LARP1: variants seen among roughly 807,000 people sequenced by gnomAD.
LARP1 encodes the protein La ribonucleoprotein 1, translational regulator.
Under a neutral mutation model 122.7 loss-of-function variants are expected in LARP1, and 36 were observed. The observed-to-expected ratio is 0.29, with a 90% CI of 0.22 to 0.39. The LOEUF (loss-of-function observed/expected upper bound fraction) is 0.39, where lower values mean the gene tolerates loss of function less well. LARP1 is among the 10% of genes least tolerant of loss of function. The probability of loss-of-function intolerance (pLI) is 1.00; values close to 1 mark genes in which losing one functional copy is unlikely to be tolerated. For missense variants in LARP1, 1,040 were observed against 1,403.6 expected (o/e 0.74, Z 4.14); for synonymous variants, 539 against 528.7 (o/e 1.02, Z -0.27).
chr5:154,805,003 A>G (rs116586220), intron 14 of LARP1: 15,996 of 438,874 alleles, frequency 0.036, 389 homozygotes, highest in East Asian at 0.069. Context: ...ACTGTTAACC[A>G]GAAGCCTTAC....
chr5:154,742,391 A>G lies in LARP1; in HGVS notation c.205+29261A>G, dbSNP rs143022228. Among the ~76,000 whole-genome samples the G allele has an allele frequency of 5.5e-3, 837 of 152,272 alleles. 7 individuals are homozygous for G. The highest frequency in any genetic ancestry group is 0.019 in the African/African-American group (790 of 41,542). On this transcript the variant is annotated intron_variant, in intron 1 of 18. Transcript: ENST00000336314. ...AGCCTGGCCAACATGGCGAAACCCCATCTCTATTAAAAATAAAATTAGTCA... is the reference window on the plus strand; with the variant it reads ...AGCCTGGCCAACATGGCGAAACCCCGTCTCTATTAAAAATAAAATTAGTCA...
intron 1 of LARP1, among the ~76,000 whole-genome samples, chr5:154,787,652 C>T (rs1050299795): frequency 1.3e-5 from 2 of 152,130 alleles, no homozygotes; most frequent in Admixed American, 1.3e-4. Context: ...TTCTGCCTTT[C>T]TGGGGGTTTT....
chr5:154,730,901 T>G (rs1215934103), intron 1 of LARP1, among the ~76,000 whole-genome samples: 1 of 149,996 alleles, frequency 6.7e-6, no homozygotes, highest in African/African-American at 2.5e-5. Flanking sequence ...AGAGTCGCGT[T>G]CTGTTGCCCA....
chr5:154,776,026 T>C (rs1166343236), intron 1 of LARP1, among the ~76,000 whole-genome samples: 2 of 152,170 alleles, frequency 1.3e-5, no homozygotes, highest in African/African-American at 4.8e-5. Flanking sequence ...AAAGTAAATA[T>C]GGCCGGGCTT....
chr5:154,791,165 C>T (rs1434145893), intron 3 of LARP1, among the ~76,000 whole-genome samples: 5 of 137,994 alleles, frequency 3.6e-5, no homozygotes, highest in East Asian at 4.4e-4. Context: ...GATGGAGTCT[C>T]GCTCAGTCAC....
At chr5:154,725,633 C>G (rs1204282998) in intron 1 of LARP1, among the ~76,000 whole-genome samples, 1 of 152,044 alleles carries the variant, frequency 6.6e-6, no homozygotes, top group Admixed American at 6.6e-5. Context: ...ACCAAAGCAA[C>G]AAGGACCTAA....
At position 154,814,041 on chromosome 5, in the gene LARP1, G is replaced by C; in HGVS notation, c.3236G>C (p.Arg1079Pro). Residue 1079 changes from arginine (R) to proline (P), a missense_variant, in exon 19 of 19, where the codon CGG becomes CCG. Transcript: ENST00000518297. ...ACACCACCCACCGGCCAGCCTGTCC[G>C]GGAAGATGCCAAATGGACAAGCCAG... ...PPTPPTGQPV[R>P]EDAKWTSQHS... is the part of the protein sequence containing the mutation. The C allele has an allele frequency of 3.7e-6, 6 of 1,614,158 alleles. No homozygotes were observed. Among genetic ancestry groups the C allele is most frequent in the Non-Finnish European group, 5.1e-6 (6 of 1,180,022 alleles).
chr5:154,684,953 T>C (rs1162382674), intron 1 of LARP1, among the ~76,000 whole-genome samples: 1 of 152,018 alleles, frequency 6.6e-6, no homozygotes, highest in Non-Finnish European at 1.5e-5. Context: ...AGGATAAGAA[T>C]TGTACCCCTT....
intron 1 of LARP1, among the ~76,000 whole-genome samples, chr5:154,761,683 C>A (rs1322881219): frequency 1.3e-5 from 2 of 152,118 alleles, no homozygotes; most frequent in Non-Finnish European, 1.5e-5. Flanking sequence ...GAGAGGATGG[C>A]CTTACCTTGC....
At chr5:154,750,298 C>G (rs1753418249) in intron 1 of LARP1, among the ~76,000 whole-genome samples, 1 of 152,088 alleles carries the variant, frequency 6.6e-6, no homozygotes, top group South Asian at 2.1e-4. Flanking sequence ...AGGTGAGGGT[C>G]TCACTCTGTT....
chr5:154,810,406 A>T (rs1244517616), intron 16 of LARP1, among the ~76,000 whole-genome samples: 1 of 151,428 alleles, frequency 6.6e-6, no homozygotes, highest in Admixed American at 6.6e-5. Flanking sequence ...ACTGCACTCC[A>T]GCCTGGGTGA....
chr5:154,700,239 G>A (rs1038412655), intron 1 of LARP1, among the ~76,000 whole-genome samples: 5 of 152,146 alleles, frequency 3.3e-5, no homozygotes, highest in Non-Finnish European at 5.9e-5. Flanking sequence ...AATAAAAGCA[G>A]GATCAGTAGT....
At chr5:154,778,907 T>G (rs140582609) in intron 1 of LARP1, among the ~76,000 whole-genome samples, 1 of 152,330 alleles carries the variant, frequency 6.6e-6, no homozygotes, top group East Asian at 1.9e-4. Flanking sequence ...AGTATAAGTA[T>G]GTCCCAGTAT....
upstream of LARP1, among the ~76,000 whole-genome samples, chr5:154,754,979 C>T (rs1439111163): frequency 1.3e-5 from 2 of 152,172 alleles, no homozygotes; most frequent in Non-Finnish European, 1.5e-5. Context: ...TGGCCGGGTC[C>T]CATGTGCTCC....
intron 1 of LARP1, among the ~76,000 whole-genome samples, chr5:154,763,483 GT>G (rs372411068): frequency 7.5e-4 from 109 of 145,520 alleles, no homozygotes; most frequent in Middle Eastern, 3.6e-3. Context: ...TGCCACCTCT[GT>G]TTTTTTTTTT....
At chr5:154,733,755 A>AT (rs1181775209) in intron 1 of LARP1, among the ~76,000 whole-genome samples, 5 of 151,526 alleles carry the variant, frequency 3.3e-5, no homozygotes, top group Non-Finnish European at 7.4e-5. Flanking sequence ...TAGAGACGAG[A>AT]TTTTGCCACG....
chr5:154,759,511 T>A lies in LARP1; in HGVS notation c.436+3318T>A, dbSNP rs1042984053. Among the ~76,000 whole-genome samples, 22 of 152,204 alleles carry A rather than the reference T, an allele frequency of 1.4e-4. No individual in the cohort carries two copies. The East Asian group carries it at 1.7e-3, about 12-fold the overall frequency. The stretch of plus-strand genomic sequence containing the variant: ...CTTTGGAATGTGGTGAGATGAATTT[T>A]AAAAAAATAAGTTTTAACTTTTTAG... On this transcript the variant is annotated intron_variant, in intron 1 of 18. Coordinates refer to ENST00000518297, the MANE Select transcript of LARP1 (RefSeq NM_033551.3).
chr5:154,756,217 T>A (rs1753877396), intron 1 of LARP1, 24 bp downstream of exon 1: 1 of 1,217,020 alleles, frequency 8.2e-7, no homozygotes, highest in Admixed American at 3.2e-5. Flanking sequence ...CTTGCCCTCC[T>A]GGGTCCGGGG....
chr5:154,809,708 T>G (rs1202971369), intron 16 of LARP1, among the ~76,000 whole-genome samples: 1 of 149,232 alleles, frequency 6.7e-6, no homozygotes, highest in Non-Finnish European at 1.5e-5. Context: ...TCTTTTTTTT[T>G]TTTTTTTTTG....
Sources: gnomAD v4.1 joint callset for allele counts (sites outside exome capture counted in the v4.1 genomes callset) on GRCh38, gnomAD v4.1.1 for gene constraint, MANE v1.5 for transcripts, NCBI Gene and HGNC (gene_info 2026-07-23, HGNC 2026-07-21) for gene names.